RNF14: variants seen among roughly 807,000 people sequenced by gnomAD.
RNF14 encodes the protein E3 ubiquitin-protein ligase RNF14.
RNF14 carries 26 observed loss-of-function variants against 52.6 expected under a neutral mutation model. The observed-to-expected ratio is 0.49, with a 90% CI of 0.36 to 0.69. The LOEUF (loss-of-function observed/expected upper bound fraction) is 0.69. Ranked by LOEUF, RNF14 falls within the 30% of genes least tolerant of loss-of-function variation. RNF14 has a pLI of 0.00. For missense variants in RNF14, 404 were observed against 560.4 expected (o/e 0.72, Z 2.82); for synonymous variants, 194 against 202.0 (o/e 0.96, Z 0.34).
upstream of RNF14, chr5:141,955,707 C>T (rs1320669065): frequency 1.9e-6 from 3 of 1,614,014 alleles, no homozygotes; most frequent in African/African-American, 1.3e-5. This position sits in a 1 kb window ranked among gnomAD's most constrained non-coding sequence, Gnocchi z 5.5. Flanking sequence ...CCGTCAGCAT[C>T]GACATGCTCA....
intron 3 of RNF14, 76 bp from the exon 4 acceptor site, chr5:141,974,728 C>A: frequency 1.4e-6 from 2 of 1,391,536 alleles, no homozygotes; most frequent in African/African-American, 1.5e-5. Context: ...TTAAGTCTTT[C>A]TTGAGCGCTG....
intron 1 of RNF14, chr5:141,969,694 G>A (rs1409805979): frequency 6.6e-6 from 1 of 152,298 alleles, no homozygotes; most frequent in African/African-American, 2.4e-5. Flanking sequence ...AAACTGCTTG[G>A]AGTAGAAGTT....
chr5:141,952,102 A>G, the RNF14 span, among the ~76,000 whole-genome samples: 2 of 152,220 alleles, frequency 1.3e-5, no homozygotes, highest in African/African-American at 4.8e-5. Flanking sequence ...AATAAGTGCC[A>G]GGCAGGGTGG....
chr5:141,950,529 A>G, the RNF14 span, among the ~76,000 whole-genome samples: 21 of 152,160 alleles, frequency 1.4e-4, no homozygotes, highest in Non-Finnish European at 1.6e-4. Context: ...TAATCAACCC[A>G]TTGTACAAAT....
At chr5:141,978,261 A>G in intron 4 of RNF14, 42 bp from the exon 5 acceptor site, 1 of 1,513,918 alleles carries the variant, frequency 6.6e-7, no homozygotes, top group Non-Finnish European at 8.9e-7. Context: ...CAGCAGCATC[A>G]TCTTTCCAAA....
rs1754490554 is a variant in RNF14, at chr5:141,978,792, C to G, written c.796C>G (p.Pro266Ala). 6.2e-7 allele frequency: 1 copy of G among 1,613,816 alleles called. No individual in the cohort carries two copies. Among genetic ancestry groups the G allele is most frequent in the South Asian group, 1.1e-5 (1 of 91,084 alleles). ...RDGQVQCLNC[P>A]EPKCPSVATP... is the part of the protein sequence containing the mutation. ...TGGCCAGGTTCAATGCCTCAACTGC[C>G]CAGAACCAAAGTGCCCTTCGGTGGC... Residue 266 changes from proline to alanine, a missense_variant, in exon 5 of 9, where the codon CCA becomes GCA. Coordinates refer to ENST00000394520, the MANE Select transcript of RNF14 (RefSeq NM_004290.5).
chr5:141,983,263 TATG>T, intron 6 of RNF14, 114 bp from the exon 7 acceptor site: 3 of 817,132 alleles, frequency 3.7e-6, no homozygotes, highest in Non-Finnish European at 5.6e-6. Context: ...ATTATTTCCT[TATG>T]ATAAAGTTCT....
upstream of RNF14, chr5:141,967,008 T>C (rs561691654): frequency 3.5e-4 from 53 of 152,508 alleles, no homozygotes; most frequent in African/African-American, 1.3e-3. Flanking sequence ...CCTTTGCATT[T>C]TTCCGAGATA....
Position 141,970,743 on chromosome 5 carries a change from A to G in RNF14, c.-141A>G, listed in dbSNP as rs1252325203. The G allele has an allele frequency of 6.6e-6, 1 of 152,348 alleles. No individual in the cohort carries two copies. Among genetic ancestry groups the G allele is most frequent in the African/African-American group, 2.4e-5 (1 of 41,454 alleles). The allele number at this position is 152,348 out of a possible 1,614,324, so 9.4% of individuals were successfully genotyped here. On this transcript the variant is annotated 5_prime_UTR_variant, in exon 2 of 9. Transcript: ENST00000394520. ...ATAATATATGTAGTATGAGTTCCAC[A>G]TCTTGGCCTCTTACCCAGCTTCAGC...
At chr5:141,957,412 C>A (rs759794990), upstream of RNF14, 74 of 1,613,118 alleles carry the variant, frequency 4.6e-5, no homozygotes, top group Middle Eastern at 4.9e-4. This position sits in a 1 kb window ranked among gnomAD's most constrained non-coding sequence, Gnocchi z 4.3. Flanking sequence ...CAGAGAGGCG[C>A]TCTCAGAGAT....
upstream of RNF14, chr5:141,955,098 G>A (rs1247096981): frequency 6.2e-7 from 1 of 1,614,110 alleles, no homozygotes; most frequent in Non-Finnish European, 8.5e-7. The surrounding 1 kb of genome is among the most constrained non-coding windows in gnomAD (Gnocchi z 5.5). Flanking sequence ...GGGACACTTT[G>A]CCATTGAGAT....
intron 6 of RNF14, among the ~76,000 whole-genome samples, 172 bp from the exon 7 acceptor site, chr5:141,983,208 A>G (rs1352706173): frequency 6.6e-6 from 1 of 152,020 alleles, no homozygotes; most frequent in Non-Finnish European, 1.5e-5. Flanking sequence ...TAGAAATTTA[A>G]TTTTTTTGCC....
rs364287 is a variant in RNF14, at chr5:141,988,242, G to C, written c.*452G>C. The stretch of plus-strand genomic sequence containing the variant: ...AGAAGCCTTATGAAAATTATACTGA[G>C]AACCTGATCTCGTTTACTCCATGTT... On this transcript the variant is annotated 3_prime_UTR_variant, in exon 9 of 9. Transcript: ENST00000394520. 125,579 of 154,396 alleles carry C rather than the reference G, an allele frequency of 0.81. 51,597 individuals carry two copies. Among genetic ancestry groups the C allele is most frequent in the East Asian group, 0.97 (5,250 of 5,390 alleles). The allele number at this position is 154,396 out of a possible 1,614,324, so 9.6% of individuals were successfully genotyped here.
rs1485686554 is a variant in RNF14 at position 141,978,310 on chromosome 5, C to G, written c.314C>G (p.Ala105Gly). Reference protein sequence around the residue: ...GKWLSPTQLSALCKHLDNLWE... With the variant: ...GKWLSPTQLSGLCKHLDNLWE... Reference sequence around the variant, plus strand: ...TCATGTGTTTTCTCCTAGCTATCTGCTCTATGCAAGCACTTAGACAACCTA... The same window carrying G: ...TCATGTGTTTTCTCCTAGCTATCTGGTCTATGCAAGCACTTAGACAACCTA... Residue 105 changes from alanine (A) to glycine (G), a missense_variant, in exon 5 of 9, where the codon GCT becomes GGT. Physicochemically the swap from Ala to Gly is moderately conservative, Grantham distance 60 (BLOSUM62 0). Transcript: ENST00000394520. 1.3e-6 allele frequency: 2 copies of G among 1,590,780 alleles called. No individual in the cohort carries two copies. Among genetic ancestry groups the G allele is most frequent in the Non-Finnish European group, 1.7e-6 (2 of 1,166,366 alleles).
At chr5:141,949,617 A>G in the RNF14 span, 1 of 1,603,744 alleles carries the variant, frequency 6.2e-7, no homozygotes. Flanking sequence ...ATGGGTAGGG[A>G]CATTCCCATA....
In RNF14 at chr5:141,987,828, C is replaced by T. The variant is rs761399927; in HGVS notation, c.*38C>T. The T allele has an allele frequency of 1.3e-6, 2 of 1,580,796 alleles. No homozygotes were observed. The highest frequency in any genetic ancestry group is 1.7e-6 in the Non-Finnish European group (2 of 1,151,442). ...CAAGATATGGAAGTGGATTGTTTTT[C>T]CCTAATCTTCCGTCAAGTACACAAA... is the stretch of plus-strand genomic sequence containing the variant. On this transcript the variant is annotated 3_prime_UTR_variant, in exon 9 of 9. Transcript: ENST00000394520.
chr5:141,968,118 CTTTTTTTT>C (rs55650781), upstream of RNF14, among the ~76,000 whole-genome samples: 2 of 118,964 alleles, frequency 1.7e-5, no homozygotes, highest in Non-Finnish European at 3.7e-5. Context: ...TTGTGTTTGA[CTTTTTTTT>C]TTTTTTTTTT....
upstream of RNF14, among the ~76,000 whole-genome samples, chr5:141,962,060 C>T (rs1753278974): frequency 6.6e-6 from 1 of 152,076 alleles, no homozygotes; most frequent in African/African-American, 2.4e-5. Flanking sequence ...CCAAGCTCAG[C>T]GTCTTTTTTC....
chr5:141,957,688 C>G (rs199944866), upstream of RNF14: 5 of 1,614,192 alleles, frequency 3.1e-6, no homozygotes, highest in Non-Finnish European at 3.4e-6. This position sits in a 1 kb window ranked among gnomAD's most constrained non-coding sequence, Gnocchi z 4.3. Context: ...CCTCTCCTCC[C>G]GGCCCAGTTC....
Sources: gnomAD v4.1 joint callset for allele counts (sites outside exome capture counted in the v4.1 genomes callset) on GRCh38, gnomAD v4.1.1 for gene constraint, Gnocchi (gnomAD v3.1) non-coding constraint, MANE v1.5 for transcripts, NCBI Gene and HGNC (gene_info 2026-07-23, HGNC 2026-07-21) for gene names.